Variants in MXI1 observed in about 807,000 individuals in gnomAD.
MXI1 encodes max-interacting protein 1.
In MXI1, 18 loss-of-function variants were observed where a neutral mutation model predicts 36.9. The observed-to-expected ratio is 0.49, with a 90% CI of 0.34 to 0.72. The LOEUF (loss-of-function observed/expected upper bound fraction) is 0.72. Among genes scored for constraint, MXI1 ranks in the 30% least tolerant of loss-of-function variants. MXI1 has a pLI of 0.01. For synonymous variants in MXI1, 160 were observed against 146.7 expected, an observed-to-expected ratio of 1.09 and a Z score of -0.65; for missense variants, 304 against 379.1, an observed-to-expected ratio of 0.80 and a Z score of 1.64.
intron 2 of MXI1, among the ~76,000 whole-genome samples, chr10:110,239,440 C>G (rs538349566): frequency 6.6e-6 from 1 of 152,314 alleles, no homozygotes; most frequent in African/African-American, 2.4e-5. Context: ...TAGCTACATT[C>G]AACAACTTTT....
At position 110,280,010 on chromosome 10, in the gene MXI1, C is replaced by T; in HGVS notation, c.649C>T (p.Pro217Ser). Residue 217 changes from proline to serine, a missense_variant, in exon 5 of 6, where the codon CCT (proline) becomes TCT (serine). By Grantham distance (74) the Pro-to-Ser change is moderately conservative. This residue lies in a region of MXI1 where 125 missense variants were observed against 194.3 expected (regional missense o/e 0.64). Coordinates refer to ENST00000332674, the MANE Select transcript of MXI1 (RefSeq NM_130439.3). ...GTGGCGACTGGAACAGCTGCAGGGT[C>T]CTCAGGAGATGGAACGAATACGAAT... ...LKWRLEQLQG[P>S]QEMERIRMDS... The T allele has an allele frequency of 6.2e-7, 1 of 1,613,078 alleles. No individual in the cohort carries two copies. The highest frequency in any genetic ancestry group is 8.5e-7 in the Non-Finnish European group (1 of 1,179,360).
intron 1 of MXI1, chr10:110,227,381 G>A (rs1012896364): frequency 4.3e-5 from 42 of 987,240 alleles, no homozygotes; most frequent in Non-Finnish European, 4.8e-5. Context: ...GTGAGAGGTC[G>A]CGCAGGTGCT....
intron 3 of MXI1, among the ~76,000 whole-genome samples, chr10:110,262,859 T>C (rs895667195): frequency 6.6e-5 from 10 of 152,174 alleles, no homozygotes; most frequent in African/African-American, 2.4e-4. Flanking sequence ...ACAGCTAAGA[T>C]ACATAATTTT....
intron 5 of MXI1, among the ~76,000 whole-genome samples, chr10:110,280,693 AG>A: frequency 6.6e-6 from 1 of 152,042 alleles, no homozygotes; most frequent in South Asian, 2.1e-4. Context: ...AAAAAAAAAA[AG>A]AAAAGAAATG....
At chr10:110,248,469 C>T (rs901293106) in intron 3 of MXI1, among the ~76,000 whole-genome samples, 2 of 152,082 alleles carry the variant, frequency 1.3e-5, no homozygotes, top group African/African-American at 4.8e-5. Context: ...TTTGGTATGC[C>T]ATTATAAGTT....
chr10:110,267,048 T>C (rs1206409316), intron 3 of MXI1, among the ~76,000 whole-genome samples: 1 of 152,212 alleles, frequency 6.6e-6, no homozygotes, highest in East Asian at 1.9e-4. Flanking sequence ...TTTCTAATGT[T>C]GAAGTGTAAT....
intron 5 of MXI1, among the ~76,000 whole-genome samples, chr10:110,283,085 A>G (rs576064292): frequency 2.0e-5 from 3 of 152,284 alleles, no homozygotes; most frequent in African/African-American, 4.8e-5. Flanking sequence ...CTGGGAAACA[A>G]TGGCTTCTGA....
At chr10:110,214,404 A>G (rs1044323571) in intron 1 of MXI1, among the ~76,000 whole-genome samples, 3 of 151,766 alleles carry the variant, frequency 2.0e-5, no homozygotes, top group Non-Finnish European at 2.9e-5. Flanking sequence ...TAGGGCTCCT[A>G]GGAAACACCA....
intron 3 of MXI1, among the ~76,000 whole-genome samples, chr10:110,278,701 GGTGTGTGTGTGT>G (rs368265649): frequency 7.8e-5 from 9 of 115,990 alleles, no homozygotes; most frequent in Admixed American, 3.5e-4. Flanking sequence ...AGAGAGGTAG[GGTGTGTGTGTGT>G]GTGTGTGTGT....
In MXI1 at chr10:110,286,024, T is replaced by C. The variant is rs926327597; in HGVS notation, c.*1037T>C. ...TCTATTTTGATGCAGCATTTGATAA[T>C]GATAAAACACCTCACACCTCACTCT... On this transcript the variant is annotated 3_prime_UTR_variant, in exon 6 of 6. Transcript: ENST00000332674. 1 of 152,600 alleles carries C rather than the reference T, an allele frequency of 6.6e-6. No homozygotes were observed. Among genetic ancestry groups the C allele is most frequent in the African/African-American group, 2.4e-5 (1 of 41,434 alleles). The allele number at this position is 152,600 out of a possible 1,614,324, so 9.5% of individuals were successfully genotyped here. A position where few individuals can be genotyped will look rare whatever the true frequency, so the allele number is the denominator to read the frequency against.
intron 1 of MXI1, among the ~76,000 whole-genome samples, chr10:110,214,936 G>C (rs747329037): frequency 1.3e-5 from 2 of 150,900 alleles, no homozygotes; most frequent in Non-Finnish European, 2.9e-5. Flanking sequence ...AATGAGGAAA[G>C]CAATTTTCAG....
chr10:110,252,352 G>A (rs1279256586), intron 3 of MXI1, among the ~76,000 whole-genome samples: 2 of 152,048 alleles, frequency 1.3e-5, no homozygotes, highest in African/African-American at 4.8e-5. Context: ...GATAAAATCT[G>A]TGGCCTACAA....
intron 1 of MXI1, among the ~76,000 whole-genome samples, chr10:110,222,282 T>C (rs1854836111): frequency 6.6e-6 from 1 of 152,226 alleles, no homozygotes. Context: ...AACAGTGCCC[T>C]ACTCAGTAAA....
chr10:110,240,986 GTA>G (rs1488300471), intron 2 of MXI1, among the ~76,000 whole-genome samples: 1 of 151,784 alleles, frequency 6.6e-6, no homozygotes, highest in Non-Finnish European at 1.5e-5. Context: ...GTACCATTTC[GTA>G]TAGTTTCATT....
chr10:110,242,373 T>C (rs1855699981), intron 2 of MXI1, among the ~76,000 whole-genome samples: 1 of 152,056 alleles, frequency 6.6e-6, no homozygotes. Flanking sequence ...ACACTGAAGG[T>C]ACTCAGTATT....
chr10:110,213,755 A>G (rs995275936), intron 1 of MXI1, among the ~76,000 whole-genome samples: 1 of 152,220 alleles, frequency 6.6e-6, no homozygotes, highest in Non-Finnish European at 1.5e-5. Context: ...TCCATCTCTC[A>G]TCTCTGATGG....
At chr10:110,228,722 T>A (rs752151720) in intron 2 of MXI1, among the ~76,000 whole-genome samples, 2 of 152,158 alleles carry the variant, frequency 1.3e-5, no homozygotes, top group Non-Finnish European at 2.9e-5. Flanking sequence ...AAGGGTTTGT[T>A]AAAGGAATAA....
intron 2 of MXI1, among the ~76,000 whole-genome samples, chr10:110,230,538 A>C (rs934102203): frequency 6.6e-6 from 1 of 152,264 alleles, no homozygotes; most frequent in African/African-American, 2.4e-5. Context: ...TATTATCTCA[A>C]GATCCACCAA....
At chr10:110,246,800 A>G (rs556253505) in intron 3 of MXI1, among the ~76,000 whole-genome samples, 1 of 152,240 alleles carries the variant, frequency 6.6e-6, no homozygotes, top group South Asian at 2.1e-4. Flanking sequence ...GTTTTAAAGA[A>G]TCTTTTCTGC....
Sources: gnomAD v4.1 joint callset for allele counts (sites outside exome capture counted in the v4.1 genomes callset) on GRCh38, gnomAD v4.1.1 for gene constraint, gnomAD v4.1.1 regional missense constraint, MANE v1.5 for transcripts, NCBI Gene and HGNC (gene_info 2026-07-23, HGNC 2026-07-21) for gene names.